The following SRSF11 variants were observed in gnomAD, a reference collection of about 807,000 sequenced individuals.
SRSF11 encodes serine and arginine rich splicing factor 11.
In SRSF11, 9 loss-of-function variants were observed where a neutral mutation model predicts 56.0. The ratio of observed to expected loss-of-function variants is 0.16; its 90% CI spans 0.10 to 0.28. The LOEUF is 0.28. SRSF11 is among the 10% of genes least tolerant of loss of function. The pLI, the probability that SRSF11 is intolerant of heterozygous loss-of-function variation, is 1.00. For missense variants in SRSF11, 421 were observed against 600.7 expected (o/e 0.70, Z 3.13); for synonymous variants, 222 against 215.3 (o/e 1.03, Z -0.27).
At chr1:70,249,852 A>T in intron 9 of SRSF11, 100 bp from the exon 10 acceptor site, 1 of 1,301,606 alleles carries the variant, frequency 7.7e-7, no homozygotes, top group Non-Finnish European at 1.1e-6. Flanking sequence ...GAGCCACTAC[A>T]TCTGGCCACA....
intron 2 of SRSF11, chr1:70,231,177 G>A (rs1672778855): frequency 7.8e-7 from 1 of 1,286,668 alleles, no homozygotes; most frequent in African/African-American, 1.5e-5. Context: ...AGCTTATCCA[G>A]TTTCTCTTAA....
intron 1 of SRSF11, among the ~76,000 whole-genome samples, chr1:70,206,132 AG>A (rs1418537894): frequency 6.6e-6 from 1 of 152,224 alleles, no homozygotes; most frequent in African/African-American, 2.4e-5. Flanking sequence ...GTGAAATGGA[AG>A]GACTGGCAAC....
At chr1:70,220,998 G>A (rs139714859), upstream of SRSF11, 28 of 152,234 alleles carry the variant, frequency 1.8e-4, no homozygotes, top group African/African-American at 6.3e-4. Context: ...AAAATTTCGG[G>A]ACATTTTATA....
intron 5 of SRSF11, among the ~76,000 whole-genome samples, chr1:70,236,335 T>C (rs1320146254): frequency 6.8e-6 from 1 of 146,066 alleles, no homozygotes; most frequent in Admixed American, 6.8e-5. Context: ...TCTTTTTCTT[T>C]TTTTTTTTTT....
chr1:70,246,835 A>G lies in SRSF11; in HGVS notation c.950A>G (p.Asp317Gly), dbSNP rs1159860663. 1.9e-6 allele frequency: 3 copies of G among 1,609,814 alleles called. No homozygotes were observed. Among genetic ancestry groups the G allele is most frequent in the Non-Finnish European group, 2.5e-6 (3 of 1,178,314 alleles). The change falls in exon 9 of 12, where the codon GAC becomes GGC. Residue 317 changes from aspartate to glycine, a missense_variant. Physicochemically the swap from Asp to Gly is moderately conservative, Grantham distance 94. Transcript: ENST00000370949. ...TSKTRDKKKE[D>G]KEKKRSKTPP... ...TTTGTTAGAGACAAAAAGAAAGAAG[A>G]CAAAGAAAAGAAACGTTCTAAAACA...
intron 9 of SRSF11, among the ~76,000 whole-genome samples, chr1:70,247,703 G>C (rs556466224): frequency 3.3e-5 from 5 of 152,008 alleles, no homozygotes; most frequent in Admixed American, 1.3e-4. Flanking sequence ...GAAAATTTTG[G>C]AATTCACCAA....
chr1:70,231,805 C>G, intron 2 of SRSF11: 2 of 1,373,444 alleles, frequency 1.5e-6, no homozygotes, highest in Non-Finnish European at 1.9e-6. Context: ...TTATTAACCC[C>G]TAAATCAAAC....
intron 2 of SRSF11, chr1:70,230,331 A>G (rs534479867): frequency 1.1e-4 from 117 of 1,050,860 alleles, no homozygotes; most frequent in Non-Finnish European, 1.0e-4. Context: ...AGTAAATACA[A>G]TTCCCTCCAG....
intron 1 of SRSF11, among the ~76,000 whole-genome samples, 177 bp from the exon 2 acceptor site, chr1:70,228,245 C>G (rs905364055): frequency 1.3e-5 from 2 of 152,146 alleles, no homozygotes; most frequent in East Asian, 1.9e-4. Flanking sequence ...CTGCAATTCA[C>G]TACATTATTT....
chr1:70,214,137 A>G (rs1355304983), intron 1 of SRSF11, among the ~76,000 whole-genome samples: 1 of 152,236 alleles, frequency 6.6e-6, no homozygotes, highest in African/African-American at 2.4e-5. Flanking sequence ...GCATGAAACT[A>G]TTAGAGGTAA....
intron 1 of SRSF11, among the ~76,000 whole-genome samples, chr1:70,214,976 G>A (rs1483420142): frequency 7.1e-6 from 1 of 141,588 alleles, no homozygotes; most frequent in African/African-American, 2.6e-5. Context: ...TCAGCTTACT[G>A]CAGCCTCCGC....
chr1:70,207,481 A>G lies in SRSF11; in HGVS notation c.-26+1701A>G, dbSNP rs560571134. On this transcript the variant is annotated intron_variant, in intron 1 of 12. Coordinates refer to the SRSF11 transcript ENST00000370950. ...GTCTCCAAAACCTTTCTTTTTAATC[A>G]CCATGACTTCCCTAGTGGCTTTTCA... Among the ~76,000 whole-genome samples, 224 of 151,696 alleles carry G rather than the reference A, an allele frequency of 1.5e-3. 1 individual carries two copies. Among genetic ancestry groups the G allele is most frequent in the African/African-American group, 4.8e-3 (200 of 41,386 alleles).
intron 9 of SRSF11, chr1:70,249,114 A>G (rs1217490930): frequency 6.6e-6 from 1 of 152,144 alleles, no homozygotes; most frequent in South Asian, 2.1e-4. Context: ...TCAGCTGTAT[A>G]TCTTCAAAGT....
chr1:70,211,072 C>T (rs1334487827), intron 1 of SRSF11, among the ~76,000 whole-genome samples: 3 of 152,072 alleles, frequency 2.0e-5, no homozygotes, highest in South Asian at 2.1e-4. Context: ...TTACTCATAA[C>T]CTTTAAAAGC....
rs775990290 is a variant in SRSF11, at chr1:70,249,939, T to C, written c.1023-13T>C. Reference sequence around the variant, plus strand: ...TGTATTTTAAAACCTAGTTTGCACATTTGTGATTCTAGAGAGAGACGACGA... The same window carrying C: ...TGTATTTTAAAACCTAGTTTGCACACTTGTGATTCTAGAGAGAGACGACGA... On this transcript the variant is annotated splice_polypyrimidine_tract_variant and intron_variant, in intron 9 of 11. Coordinates refer to ENST00000370949, the MANE Select transcript of SRSF11 (RefSeq NM_001350605.2). 2.5e-6 allele frequency: 4 copies of C among 1,613,580 alleles called. No individual in the cohort carries two copies. The highest frequency in any genetic ancestry group is 3.4e-6 in the Non-Finnish European group (4 of 1,179,600).
At chr1:70,246,582 C>T (rs1469323635) in intron 8 of SRSF11, 8 of 315,066 alleles carry the variant, frequency 2.5e-5, no homozygotes, top group Non-Finnish European at 4.1e-5. Flanking sequence ...ATTTTCTCAC[C>T]CATAGTCTAC....
intron 1 of SRSF11, among the ~76,000 whole-genome samples, chr1:70,214,349 A>C (rs544794804): frequency 7.5e-6 from 1 of 133,354 alleles, no homozygotes; most frequent in East Asian, 2.3e-4. Flanking sequence ...CAAAAAAGCC[A>C]AGCAAATCTG....
At chr1:70,234,420 T>A (rs1340793059) in intron 3 of SRSF11, among the ~76,000 whole-genome samples, 1 of 152,198 alleles carries the variant, frequency 6.6e-6, no homozygotes, top group Non-Finnish European at 1.5e-5. Context: ...AAATGTGTTG[T>A]AATGGGTGGA....
intron 1 of SRSF11, chr1:70,222,840 C>G (rs1472288326): frequency 1.3e-5 from 2 of 152,138 alleles, no homozygotes; most frequent in Admixed American, 1.3e-4. Flanking sequence ...AAATAATTGA[C>G]AAAAGTTTAT....
Sources: allele counts gnomAD v4.1 joint callset (sites outside exome capture counted in the v4.1 genomes callset), GRCh38; gene constraint gnomAD v4.1.1; transcripts MANE v1.5; gene names NCBI Gene and HGNC (gene_info 2026-07-23, HGNC 2026-07-21).